PLXNA2: variants seen among roughly 807,000 people sequenced by gnomAD.
PLXNA2 encodes the protein plexin A2.
A neutral mutation model predicts 193.5 loss-of-function variants in PLXNA2; 91 were observed. That is an observed-to-expected ratio of 0.47 (90% CI 0.40 to 0.56). The LOEUF is 0.56. Among genes scored for constraint, PLXNA2 ranks in the 20% least tolerant of loss-of-function variants. The pLI is 0.00. For synonymous variants in PLXNA2, 997 were observed against 1,027.3 expected, an observed-to-expected ratio of 0.97 and a Z score of 0.56; for missense variants, 1,995 against 2,503.2, an observed-to-expected ratio of 0.80 and a Z score of 4.33.
intron 3 of PLXNA2, among the ~76,000 whole-genome samples, chr1:208,174,559 G>C (rs1161491884): frequency 6.6e-6 from 1 of 151,972 alleles, no homozygotes; most frequent in Non-Finnish European, 1.5e-5. Context: ...GAGGGGAGGA[G>C]ACTGGGAAGG....
chr1:208,064,441 A>G (rs1665721360), intron 12 of PLXNA2, among the ~76,000 whole-genome samples: 1 of 151,756 alleles, frequency 6.6e-6, no homozygotes, highest in Admixed American at 6.6e-5. Context: ...CTTCTGCCAC[A>G]CTTTCCATTC....
chr1:208,137,541 C>A (rs1571957067), intron 4 of PLXNA2, among the ~76,000 whole-genome samples: 1 of 152,290 alleles, frequency 6.6e-6, no homozygotes, highest in South Asian at 2.1e-4. Context: ...AACTTGTATG[C>A]ATGCCCATAA....
At chr1:208,161,282 C>G (rs534805655) in intron 3 of PLXNA2, among the ~76,000 whole-genome samples, 38 of 152,324 alleles carry the variant, frequency 2.5e-4, no homozygotes, top group South Asian at 1.7e-3. Context: ...TACCCTCTCC[C>G]TCTCCTTCCT....
intron 3 of PLXNA2, among the ~76,000 whole-genome samples, chr1:208,165,354 T>C (rs1669265979): frequency 1.3e-5 from 2 of 152,132 alleles, no homozygotes. Flanking sequence ...GAATACCTCA[T>C]TGCACCCTCA....
chr1:208,218,828 C>T (rs747572584), intron 1 of PLXNA2, among the ~76,000 whole-genome samples: 2 of 152,310 alleles, frequency 1.3e-5, no homozygotes, highest in South Asian at 2.1e-4. Flanking sequence ...GCCAGGTCCT[C>T]GGGAAATTGC....
At chr1:208,060,972 G>A (rs944214688) in intron 12 of PLXNA2, 135 bp from the exon 13 acceptor site, 2 of 691,364 alleles carry the variant, frequency 2.9e-6, no homozygotes, top group Non-Finnish European at 4.8e-6. Flanking sequence ...TCTGGTGAGT[G>A]AGTGCGTTTT....
At chr1:208,054,696 C>T (rs1665370547) in intron 13 of PLXNA2, among the ~76,000 whole-genome samples, 158 bp from the exon 14 acceptor site, 1 of 152,216 alleles carries the variant, frequency 6.6e-6, no homozygotes, top group South Asian at 2.1e-4. Flanking sequence ...ACCTTGGGTA[C>T]AGTGCTTTCC....
intron 5 of PLXNA2, 93 bp downstream of exon 5, chr1:208,103,054 C>CATCT: frequency 1.3e-6 from 1 of 796,036 alleles, no homozygotes; most frequent in Non-Finnish European, 2.2e-6. Context: ...GAGGACAATT[C>CATCT]CTCTCTCTGC....
intron 29 of PLXNA2, chr1:208,030,380 G>T: frequency 1.0e-6 from 1 of 985,704 alleles, no homozygotes; most frequent in Non-Finnish European, 1.2e-6. Flanking sequence ...ACTTTCTCTT[G>T]ATTTCCCCTG....
At chr1:208,183,456 AC>A (rs1669905739) in intron 3 of PLXNA2, among the ~76,000 whole-genome samples, 3 of 152,178 alleles carry the variant, frequency 2.0e-5, no homozygotes, top group African/African-American at 7.2e-5. Flanking sequence ...CTGACCATCC[AC>A]AGCCAGGAGC....
intron 1 of PLXNA2, among the ~76,000 whole-genome samples, chr1:208,235,744 T>C (rs1041319146): frequency 6.6e-6 from 1 of 152,152 alleles, no homozygotes; most frequent in Admixed American, 6.5e-5. Context: ...CAGTGGGGCC[T>C]AAACCTCCTG....
intron 4 of PLXNA2, among the ~76,000 whole-genome samples, chr1:208,139,947 C>G (rs765349407): frequency 3.9e-5 from 6 of 152,174 alleles, no homozygotes; most frequent in South Asian, 4.1e-4. Flanking sequence ...CACCACAAAT[C>G]CCCCTCAGAC....
At chr1:208,218,551 T>C (rs1024275301) in intron 1 of PLXNA2, among the ~76,000 whole-genome samples, 5 of 152,204 alleles carry the variant, frequency 3.3e-5, no homozygotes, top group African/African-American at 9.6e-5. Context: ...CATGCTCTGT[T>C]ATCCACAGAG....
chr1:208,216,718 GGTGT>G lies in PLXNA2; in HGVS notation c.1188+13_1188+16del, dbSNP rs1558249558. 1.9e-6 allele frequency: 3 copies of G among 1,602,954 alleles called. No homozygotes were observed. The highest frequency in any genetic ancestry group is 2.6e-6 in the Non-Finnish European group (3 of 1,175,904). On this transcript the variant is annotated intron_variant, in intron 2 of 31. Coordinates refer to ENST00000367033, the MANE Select transcript of PLXNA2 (RefSeq NM_025179.4). ...GTGTCATGGAGCAGGAGCAGAGCGA[GGTGT>G]GTGCCTCCTTACCGCCTTGGTGCAC...
At chr1:208,143,586 T>A (rs1668520282) in intron 3 of PLXNA2, among the ~76,000 whole-genome samples, 1 of 152,188 alleles carries the variant, frequency 6.6e-6, no homozygotes, top group Non-Finnish European at 1.5e-5. Flanking sequence ...TTTTCTAGTT[T>A]TCTAGTAGCT....
chr1:208,071,761 T>C (rs1355446980), intron 12 of PLXNA2, among the ~76,000 whole-genome samples: 1 of 152,238 alleles, frequency 6.6e-6, no homozygotes, highest in Non-Finnish European at 1.5e-5. Flanking sequence ...GTTATATTAA[T>C]GAGGCCTGCA....
chr1:208,106,144 G>C (rs141162599), intron 4 of PLXNA2, among the ~76,000 whole-genome samples: 2 of 151,930 alleles, frequency 1.3e-5, no homozygotes, highest in Non-Finnish European at 2.9e-5. Flanking sequence ...GGGGTGGAGG[G>C]GGGGTGGTCT....
At chr1:208,233,522 G>A (rs761190707) in intron 1 of PLXNA2, among the ~76,000 whole-genome samples, 6 of 152,212 alleles carry the variant, frequency 3.9e-5, no homozygotes, top group Non-Finnish European at 5.9e-5. Context: ...TCAATCGGGT[G>A]GCCTAGACCA....
intron 6 of PLXNA2, among the ~76,000 whole-genome samples, chr1:208,097,411 G>C (rs1459639830): frequency 6.6e-6 from 1 of 152,130 alleles, no homozygotes; most frequent in Non-Finnish European, 1.5e-5. Flanking sequence ...GTGTTCCCTA[G>C]AGTTTGTGCT....
Sources: allele counts gnomAD v4.1 joint callset (sites outside exome capture counted in the v4.1 genomes callset), GRCh38; gene constraint gnomAD v4.1.1; transcripts MANE v1.5; gene names NCBI Gene and HGNC (gene_info 2026-07-23, HGNC 2026-07-21).